Variants in FGFR2 observed in about 807,000 individuals in gnomAD.
FGFR2 encodes the protein fibroblast growth factor receptor 2.
A neutral mutation model predicts 95.9 loss-of-function variants in FGFR2; 19 were observed. That is an observed-to-expected ratio of 0.20 (90% confidence interval 0.14 to 0.29). The LOEUF (loss-of-function observed/expected upper bound fraction) is 0.29. Among genes scored for constraint, FGFR2 ranks in the 10% least tolerant of loss-of-function variants. FGFR2 has a pLI of 1.00. For missense variants in FGFR2, 707 were observed against 1,056.9 expected (o/e 0.67, Z 4.59); for synonymous variants, 392 against 393.3 (o/e 1.00, Z 0.04).
chr10:121,579,840 C>T (rs778223691), intron 2 of FGFR2, among the ~76,000 whole-genome samples: 9 of 152,106 alleles, frequency 5.9e-5, no homozygotes, highest in Admixed American at 3.9e-4. Context: ...CGAGTTGGGG[C>T]GGCTGGCCTG....
At chr10:121,491,216 T>G (rs1457672364) in intron 13 of FGFR2, among the ~76,000 whole-genome samples, 2 of 151,990 alleles carry the variant, frequency 1.3e-5, no homozygotes, top group Non-Finnish European at 2.9e-5. Context: ...TGGCCATCCC[T>G]CATCCCAGGG....
rs1472442135 is a variant in FGFR2 at position 121,480,816 on chromosome 10, T to TGG, written c.2302-797_2302-796dup. On this transcript the variant is annotated intron_variant, in intron 17 of 17. Coordinates refer to ENST00000358487, the MANE Select transcript of FGFR2 (RefSeq NM_000141.5). The stretch of plus-strand genomic sequence containing the variant: ...AGTGCTGGTGCTGCAAAAAGCCCTC[T>TGG]GGATCACCCCAGGGTGACACTTCCT... Among the ~76,000 whole-genome samples, 8 of 152,244 alleles carry TGG rather than the reference T, an allele frequency of 5.3e-5. No homozygotes were observed. In the South Asian group the frequency reaches 1.7e-3, roughly 32 times the overall value.
chr10:121,559,114 A>G (rs1589984084), intron 4 of FGFR2, among the ~76,000 whole-genome samples: 1 of 149,772 alleles, frequency 6.7e-6, no homozygotes, highest in African/African-American at 2.5e-5. Context: ...AAAAGGAGAA[A>G]AAAAAAAAAA....
intron 2 of FGFR2, among the ~76,000 whole-genome samples, chr10:121,574,068 A>G (rs1725216080): frequency 6.6e-6 from 1 of 152,130 alleles, no homozygotes; most frequent in Non-Finnish European, 1.5e-5. Context: ...TGTAGTGGCC[A>G]CGCCCAGTCC....
At chr10:121,508,791 T>C (rs1469521540) in intron 9 of FGFR2, among the ~76,000 whole-genome samples, 1 of 152,236 alleles carries the variant, frequency 6.6e-6, no homozygotes, top group Non-Finnish European at 1.5e-5. Context: ...GTGCAAAGTC[T>C]AAGAAACTAT....
rs1844417636 is a variant in FGFR2 at position 121,479,644 on chromosome 10, C to T, written c.*213G>A. 1 of 1,551,684 alleles carries T rather than the reference C, an allele frequency of 6.4e-7. No individual in the cohort carries two copies. Among genetic ancestry groups the T allele is most frequent in the Non-Finnish European group, 8.7e-7 (1 of 1,147,042 alleles). On this transcript the variant is annotated 3_prime_UTR_variant, in exon 18 of 18. Transcript: ENST00000358487. ...GGTTACATGGTGGCTTGTGGCAGTC[C>T]ACTGCTCCAGAAACCTTCTTCTCCT... is the stretch of plus-strand genomic sequence containing the variant.
intron 9 of FGFR2, among the ~76,000 whole-genome samples, chr10:121,510,413 T>C (rs572536599): frequency 6.6e-6 from 1 of 152,254 alleles, no homozygotes; most frequent in East Asian, 1.9e-4. Context: ...GGTGCCCACA[T>C]GAAAGGGCAG....
chr10:121,565,381 C>CA (rs1857524048), intron 3 of FGFR2, 57 bp downstream of exon 3: 5 of 1,608,900 alleles, frequency 3.1e-6, no homozygotes, highest in East Asian at 2.2e-5. Context: ...TTCACTTGGC[C>CA]AAAAAAATGT....
intron 5 of FGFR2, among the ~76,000 whole-genome samples, chr10:121,541,606 C>A (rs1853767583): frequency 6.6e-6 from 1 of 152,158 alleles, no homozygotes; most frequent in South Asian, 2.1e-4. Context: ...TGCACATACA[C>A]CGTCTTTGCT....
chr10:121,545,246 A>G (rs1237858119), intron 5 of FGFR2, among the ~76,000 whole-genome samples: 2 of 152,260 alleles, frequency 1.3e-5, no homozygotes, highest in Admixed American at 1.3e-4. Context: ...AGATCTTTGC[A>G]TGCTTTTGGG....
At chr10:121,513,149 C>A (rs936505953) in intron 9 of FGFR2, among the ~76,000 whole-genome samples, 1 of 152,242 alleles carries the variant, frequency 6.6e-6, no homozygotes, top group Non-Finnish European at 1.5e-5. Flanking sequence ...GCTGGGATTA[C>A]AGGCGTGAGC....
chr10:121,482,214 A>T (rs747062007), intron 17 of FGFR2: 1 of 1,605,252 alleles, frequency 6.2e-7, no homozygotes, highest in Non-Finnish European at 8.5e-7. Context: ...GTAGATTCCA[A>T]GTCTACAGTT....
At chr10:121,568,193 T>C (rs1247923717) in intron 2 of FGFR2, among the ~76,000 whole-genome samples, 1 of 152,134 alleles carries the variant, frequency 6.6e-6, no homozygotes, top group African/African-American at 2.4e-5. Context: ...CCCAACATCC[T>C]AGAGTCACAG....
chr10:121,519,472 T>C (rs1054968029), intron 7 of FGFR2, among the ~76,000 whole-genome samples: 7 of 152,214 alleles, frequency 4.6e-5, no homozygotes, highest in African/African-American at 1.7e-4. Flanking sequence ...TGTTTTGTTT[T>C]GTTTTTGTTA....
At chr10:121,537,067 GTTAC>G (rs1852942649) in intron 6 of FGFR2, among the ~76,000 whole-genome samples, 1 of 152,166 alleles carries the variant, frequency 6.6e-6, no homozygotes, top group African/African-American at 2.4e-5. Context: ...AAATTTGAGT[GTTAC>G]TTCTCTTTTT....
At position 121,485,267 on chromosome 10, in the gene FGFR2, A is replaced by T; in HGVS notation, c.2195+128T>A. 1 of 1,243,900 alleles carries T rather than the reference A, an allele frequency of 8.0e-7. No homozygotes were observed. The highest frequency in any genetic ancestry group is 1.2e-6 in the Non-Finnish European group (1 of 848,466). The allele number at this position is 1,243,900 out of a possible 1,614,324, so 77.1% of individuals were successfully genotyped here. ...TCCCAGCTCTGGATTGAGCCCAGAG[A>T]GCTTCAGCCATTCTTCTTAGAGCAT... is the stretch of plus-strand genomic sequence containing the variant. On this transcript the variant is annotated intron_variant, in intron 16 of 17. Transcript: ENST00000358487. This position sits in a 1 kb window ranked among gnomAD's most constrained non-coding sequence, Gnocchi z 4.2.
At chr10:121,493,129 C>A (rs1323214604) in intron 13 of FGFR2, among the ~76,000 whole-genome samples, 1 of 152,164 alleles carries the variant, frequency 6.6e-6, no homozygotes, top group Non-Finnish European at 1.5e-5. Flanking sequence ...AATGGGGATC[C>A]AAATCCCACC....
At chr10:121,482,993 C>T (rs757518896) in intron 17 of FGFR2, among the ~76,000 whole-genome samples, 17 of 152,244 alleles carry the variant, frequency 1.1e-4, no homozygotes, top group Admixed American at 3.3e-4. Flanking sequence ...GACAGGGTTT[C>T]GCCATGTTGG....
chr10:121,526,653 T>A (rs1851406470), intron 6 of FGFR2: 2 of 398,502 alleles, frequency 5.0e-6, no homozygotes, highest in South Asian at 2.5e-4. Context: ...AGAGCCCAGG[T>A]GCCCACAGCC....
Sources: gnomAD v4.1 joint callset for allele counts (sites outside exome capture counted in the v4.1 genomes callset) on GRCh38, gnomAD v4.1.1 for gene constraint, Gnocchi (gnomAD v3.1) non-coding constraint, MANE v1.5 for transcripts, NCBI Gene and HGNC (gene_info 2026-07-23, HGNC 2026-07-21) for gene names.